CELF4: variants seen among roughly 807,000 people sequenced by gnomAD.
CELF4 encodes the protein CUGBP Elav-like family member 4, also known as CUG-BP- and ETR-3-like factor 4.
CELF4 carries 18 observed loss-of-function variants against 59.9 expected under a neutral mutation model. The observed-to-expected ratio is 0.30, with a 90% CI of 0.21 to 0.45. The LOEUF is 0.45. CELF4 is among the 20% of genes least tolerant of loss of function. The probability of loss-of-function intolerance (pLI) is 1.00; values close to 1 mark genes in which losing one functional copy is unlikely to be tolerated. For missense variants in CELF4, 456 were observed against 689.0 expected, an observed-to-expected ratio of 0.66 and a Z score of 3.79; for synonymous variants, 261 against 267.1, an observed-to-expected ratio of 0.98 and a Z score of 0.22.
chr18:37,468,642 C>G (rs564602478), intron 2 of CELF4, among the ~76,000 whole-genome samples: 1 of 152,292 alleles, frequency 6.6e-6, no homozygotes, highest in South Asian at 2.1e-4. Flanking sequence ...ATACCTGAGA[C>G]TGGGTAATTT....
At chr18:37,433,322 C>T (rs1199909776) in intron 2 of CELF4, among the ~76,000 whole-genome samples, 1 of 152,094 alleles carries the variant, frequency 6.6e-6, no homozygotes, top group Non-Finnish European at 1.5e-5. Flanking sequence ...TAAAGGTGGC[C>T]TGGGGACACT....
chr18:37,315,778 C>A (rs1167630320), intron 3 of CELF4, among the ~76,000 whole-genome samples: 2 of 152,150 alleles, frequency 1.3e-5, no homozygotes, highest in African/African-American at 4.8e-5. Flanking sequence ...TATACCTGAC[C>A]CAGGTATCAG....
At chr18:37,416,492 G>A (rs1459931680) in intron 2 of CELF4, among the ~76,000 whole-genome samples, 1 of 152,146 alleles carries the variant, frequency 6.6e-6, no homozygotes, top group African/African-American at 2.4e-5. Flanking sequence ...ATTCCCCAAA[G>A]CATCTTGGTA....
At chr18:37,362,565 G>A (rs781496630) in intron 2 of CELF4, among the ~76,000 whole-genome samples, 45 of 152,230 alleles carry the variant, frequency 3.0e-4, no homozygotes, top group Non-Finnish European at 5.4e-4. Flanking sequence ...GCACCCTTCT[G>A]CCAGGACACA....
rs540183104 is a variant in CELF4 at position 37,301,365 on chromosome 18, G to A, written c.448+20438C>T. Among the ~76,000 whole-genome samples the A allele has an allele frequency of 3.9e-4, 60 of 152,268 alleles. 1 individual carries two copies. The highest frequency in any genetic ancestry group is 1.3e-3 in the African/African-American group (54 of 41,572). ...TCCGCCAGACTGGACACTAAAAGAC[G>A]GCAGAGATGGGGGCATGGGTCCCTG... On this transcript the variant is annotated intron_variant, in intron 3 of 12. Transcript: ENST00000420428.
chr18:37,455,128 G>C (rs1239831270), intron 2 of CELF4, among the ~76,000 whole-genome samples: 1 of 152,190 alleles, frequency 6.6e-6, no homozygotes, highest in Admixed American at 6.5e-5. Flanking sequence ...GGATACGAGA[G>C]CCTTTTATTT....
At chr18:37,291,373 G>T (rs1025933210) in intron 3 of CELF4, among the ~76,000 whole-genome samples, 2 of 152,236 alleles carry the variant, frequency 1.3e-5, no homozygotes, top group Non-Finnish European at 2.9e-5. Context: ...CAAGAGGAGG[G>T]TTCATGTCAG....
intron 2 of CELF4, among the ~76,000 whole-genome samples, chr18:37,428,690 A>G (rs759077690): frequency 3.9e-5 from 6 of 152,148 alleles, no homozygotes; most frequent in Non-Finnish European, 5.9e-5. Context: ...CACTCAGAGG[A>G]AGATTTACTG....
intron 1 of CELF4, among the ~76,000 whole-genome samples, chr18:37,520,812 T>C (rs1284133878): frequency 6.6e-6 from 1 of 152,192 alleles, no homozygotes; most frequent in Non-Finnish European, 1.5e-5. Flanking sequence ...CACACTGCTA[T>C]GCTCACAGTA....
intron 2 of CELF4, among the ~76,000 whole-genome samples, chr18:37,389,467 A>G (rs2099134306): frequency 1.3e-5 from 2 of 152,202 alleles, no homozygotes; most frequent in Middle Eastern, 3.2e-3. Flanking sequence ...CCTATATTTC[A>G]TCCATCACCA....
At chr18:37,436,240 C>T (rs1043741891) in intron 2 of CELF4, among the ~76,000 whole-genome samples, 2 of 152,106 alleles carry the variant, frequency 1.3e-5, no homozygotes, top group African/African-American at 4.8e-5. Context: ...TATACCGATA[C>T]GTTTGTTTAA....
intron 1 of CELF4, among the ~76,000 whole-genome samples, chr18:37,486,510 T>G (rs2099881718): frequency 6.6e-6 from 1 of 152,018 alleles, no homozygotes; most frequent in Non-Finnish European, 1.5e-5. Context: ...GATGGGGGAG[T>G]CTTTCTGGGA....
intron 2 of CELF4, among the ~76,000 whole-genome samples, chr18:37,478,455 C>G (rs1179730674): frequency 6.6e-6 from 1 of 152,204 alleles, no homozygotes. Flanking sequence ...CAGCCCATGG[C>G]AGGCCTGGAC....
intron 1 of CELF4, among the ~76,000 whole-genome samples, chr18:37,520,745 C>T (rs1269139100): frequency 6.6e-6 from 1 of 152,190 alleles, no homozygotes; most frequent in Non-Finnish European, 1.5e-5. Flanking sequence ...TCCCTTCTTA[C>T]CCAGAGGGGA....
At chr18:37,515,869 G>A (rs1457571744) in intron 1 of CELF4, among the ~76,000 whole-genome samples, 1 of 152,192 alleles carries the variant, frequency 6.6e-6, no homozygotes, top group Non-Finnish European at 1.5e-5. Context: ...GTGGGTGGAG[G>A]GCAAAGGCAG....
At chr18:37,430,270 A>AG (rs2154600727) in intron 2 of CELF4, among the ~76,000 whole-genome samples, 1 of 152,338 alleles carries the variant, frequency 6.6e-6, no homozygotes, top group South Asian at 2.1e-4. Flanking sequence ...TGGAATTGCA[A>AG]GTTGCATAAT....
intron 4 of CELF4, 21 bp from the exon 5 acceptor site, chr18:37,274,905 G>C (rs368061939): frequency 1.0e-5 from 16 of 1,601,908 alleles, no homozygotes; most frequent in African/African-American, 5.3e-5. Context: ...GCGAGAGGCC[G>C]AGCTGGGACC....
intron 2 of CELF4, among the ~76,000 whole-genome samples, chr18:37,384,843 G>A (rs536870058): frequency 1.3e-5 from 2 of 152,220 alleles, no homozygotes; most frequent in Admixed American, 1.3e-4. Context: ...CTTCACACAG[G>A]TCACCCAGTG....
At chr18:37,270,054 G>C (rs1601482171) in intron 8 of CELF4, among the ~76,000 whole-genome samples, 1 of 152,214 alleles carries the variant, frequency 6.6e-6, no homozygotes, top group Admixed American at 6.5e-5. Context: ...TGCCCTGATA[G>C]CAGCCCATTC....
Sources: allele counts gnomAD v4.1 joint callset (sites outside exome capture counted in the v4.1 genomes callset), GRCh38; gene constraint gnomAD v4.1.1; transcripts MANE v1.5; gene names NCBI Gene and HGNC (gene_info 2026-07-23, HGNC 2026-07-21).